Variants in XYLT1 observed in about 807,000 individuals in gnomAD.
XYLT1 encodes the protein beta-D-xylosyltransferase 1.
A neutral mutation model predicts 91.3 loss-of-function variants in XYLT1; 36 were observed. The observed-to-expected ratio is 0.39, with a 90% confidence interval of 0.30 to 0.52. The LOEUF (loss-of-function observed/expected upper bound fraction) is 0.52. Ranked by LOEUF, XYLT1 falls within the 20% of genes least tolerant of loss-of-function variation. The pLI, the probability that XYLT1 is intolerant of heterozygous loss-of-function variation, is 0.68. For synonymous variants in XYLT1, 588 were observed against 532.0 expected (o/e 1.11, Z -1.45); for missense variants, 1,242 against 1,284.5 (o/e 0.97, Z 0.51).
chr16:17,470,614 CG>C lies in XYLT1; in HGVS notation c.182del (p.Pro61ArgfsTer133). 8.8e-7 allele frequency: 1 copy of C among 1,131,050 alleles called. No homozygotes were observed. Among genetic ancestry groups the C allele is most frequent in the Non-Finnish European group, 1.1e-6 (1 of 926,750 alleles). 70.1% of individuals were successfully genotyped at this position (1,131,050 alleles called of 1,614,324 possible). A position where few individuals can be genotyped will look rare whatever the true frequency, so the allele number is the denominator to read the frequency against. On this transcript the variant is annotated frameshift_variant, in exon 1 of 12. Transcript: ENST00000261381. LOFTEE classifies it high-confidence loss of function. ...GGTCCCGGCGCTCCCGGCGCGGGGC[CG>C]GGGCCGGGGGCGGCTGCTCCCCGCC... ...VGGGEQPPPAPAPRRERRDLP... is the reference protein window; with the variant it reads ...VGGGEQPPPAXAPRRERRDLP...
At chr16:17,465,854 A>G (rs1445106060) in intron 1 of XYLT1, among the ~76,000 whole-genome samples, 1 of 152,204 alleles carries the variant, frequency 6.6e-6, no homozygotes, top group Non-Finnish European at 1.5e-5. Flanking sequence ...GTTCACATAT[A>G]TTGCTACATT....
At chr16:17,129,788 C>T (rs1035757920) in intron 9 of XYLT1, among the ~76,000 whole-genome samples, 14 of 152,280 alleles carry the variant, frequency 9.2e-5, no homozygotes, top group Non-Finnish European at 1.5e-4. Context: ...CTTGTGGCTA[C>T]CGTATTGGAC....
intron 2 of XYLT1, among the ~76,000 whole-genome samples, chr16:17,296,589 G>C (rs1044868435): frequency 1.3e-5 from 2 of 152,210 alleles, no homozygotes. Context: ...AGGTGAATCT[G>C]ACATCAATGC....
chr16:17,454,629 C>T (rs1013122251), intron 1 of XYLT1, among the ~76,000 whole-genome samples: 1 of 151,840 alleles, frequency 6.6e-6, no homozygotes, highest in Non-Finnish European at 1.5e-5. Context: ...CTCTGCCTCC[C>T]GGGTTCAAGT....
At chr16:17,217,888 T>G (rs752645858) in intron 3 of XYLT1, among the ~76,000 whole-genome samples, 21 of 151,746 alleles carry the variant, frequency 1.4e-4, no homozygotes, top group Non-Finnish European at 2.7e-4. Context: ...GATGTCACTT[T>G]GGAAGGAAGG....
chr16:17,277,386 C>T (rs1246009523), intron 2 of XYLT1, among the ~76,000 whole-genome samples: 1 of 151,900 alleles, frequency 6.6e-6, no homozygotes, highest in Non-Finnish European at 1.5e-5. Flanking sequence ...TGTCTACTGT[C>T]ACCACCTTTT....
At chr16:17,324,462 A>G (rs1417519445) in intron 2 of XYLT1, among the ~76,000 whole-genome samples, 2 of 152,214 alleles carry the variant, frequency 1.3e-5, no homozygotes, top group African/African-American at 4.8e-5. Flanking sequence ...TTGTATGCCC[A>G]GTCTACTGCA....
At chr16:17,250,661 C>A (rs1260994675) in intron 3 of XYLT1, 2 of 152,308 alleles carry the variant, frequency 1.3e-5, no homozygotes, top group Non-Finnish European at 2.9e-5. Flanking sequence ...CTTTCCCCAG[C>A]AAGCCCAAGG....
intron 5 of XYLT1, among the ~76,000 whole-genome samples, chr16:17,165,640 C>T (rs984504134): frequency 2.6e-5 from 4 of 152,110 alleles, no homozygotes; most frequent in African/African-American, 7.2e-5. Flanking sequence ...TGAAGTGAGC[C>T]GAGACTGTGC....
At chr16:17,300,017 A>G (rs1159593902) in intron 2 of XYLT1, among the ~76,000 whole-genome samples, 1 of 152,178 alleles carries the variant, frequency 6.6e-6, no homozygotes, top group East Asian at 1.9e-4. Flanking sequence ...TGGTAGGGAA[A>G]TACCAGATGA....
chr16:17,258,338 T>C lies in XYLT1; in HGVS notation c.913+650A>G, dbSNP rs150676385. On this transcript the variant is annotated intron_variant, in intron 3 of 11. Transcript: ENST00000261381. ...AAATTAAAATAAGGAAGAAAGGAAATAGGAAAGAAGGAAGGGGGAAGAGAG... is the reference window on the plus strand; with the variant it reads ...AAATTAAAATAAGGAAGAAAGGAAACAGGAAAGAAGGAAGGGGGAAGAGAG... Among the ~76,000 whole-genome samples, 1,063 of 117,542 alleles carry C rather than the reference T, an allele frequency of 9.0e-3. 5 individuals carry two copies. Among genetic ancestry groups the C allele is most frequent in the Non-Finnish European group, 0.012 (685 of 57,336 alleles). 77.1% of individuals were successfully genotyped at this position (117,542 alleles called of 152,430 possible). A position where few individuals can be genotyped will look rare whatever the true frequency, so the allele number is the denominator to read the frequency against.
chr16:17,280,464 T>C (rs1596463487), intron 2 of XYLT1, among the ~76,000 whole-genome samples: 4 of 152,354 alleles, frequency 2.6e-5, no homozygotes, highest in East Asian at 3.9e-4. Context: ...ATGTGTCAGA[T>C]ATAAAAAATT....
intron 1 of XYLT1, among the ~76,000 whole-genome samples, chr16:17,413,228 T>C (rs1401719393): frequency 1.3e-5 from 2 of 152,168 alleles, no homozygotes; most frequent in African/African-American, 4.8e-5. Flanking sequence ...GATGATGGTA[T>C]ACAGGCATGC....
intron 3 of XYLT1, among the ~76,000 whole-genome samples, chr16:17,211,782 C>T (rs2032761754): frequency 6.6e-6 from 1 of 152,146 alleles, no homozygotes; most frequent in Admixed American, 6.5e-5. Context: ...GGAACCAAAG[C>T]CTCATGTTCT....
intron 3 of XYLT1, among the ~76,000 whole-genome samples, chr16:17,210,570 C>T (rs574710295): frequency 2.0e-5 from 3 of 151,548 alleles, no homozygotes; most frequent in South Asian, 2.1e-4. Context: ...AAATGAGACT[C>T]CATCTTAAAA....
intron 2 of XYLT1, among the ~76,000 whole-genome samples, chr16:17,313,419 C>A (rs2034580299): frequency 6.6e-6 from 1 of 152,208 alleles, no homozygotes; most frequent in Non-Finnish European, 1.5e-5. Flanking sequence ...CAGCGACCTA[C>A]CAGACAAGGC....
chr16:17,337,357 T>A (rs1301368343), intron 2 of XYLT1, among the ~76,000 whole-genome samples: 1 of 152,078 alleles, frequency 6.6e-6, no homozygotes, highest in Non-Finnish European at 1.5e-5. Flanking sequence ...CCAGCTAATT[T>A]TTTATAGAGA....
At position 17,138,344 on chromosome 16, in the gene XYLT1, G is replaced by C. The variant is rs188563835; in HGVS notation, c.1764+11C>G. On this transcript the variant is annotated intron_variant, in intron 8 of 11. Coordinates refer to ENST00000261381, the MANE Select transcript of XYLT1 (RefSeq NM_022166.4). ...CACTTAGGAGGCTGGCAGACCATGA[G>C]AAAGTCTCACCTGGAAGCGGTGGAA... The C allele has an allele frequency of 2.9e-5, 47 of 1,606,048 alleles. No homozygotes were observed. The Admixed American group carries it at 5.9e-4, about 20-fold the overall frequency.
At chr16:17,396,806 G>T (rs568682846) in intron 1 of XYLT1, among the ~76,000 whole-genome samples, 2 of 152,308 alleles carry the variant, frequency 1.3e-5, no homozygotes, top group Non-Finnish European at 2.9e-5. Context: ...AGGAGGTGCA[G>T]GTTGCAGTGA....
Sources: allele counts gnomAD v4.1 joint callset (sites outside exome capture counted in the v4.1 genomes callset), GRCh38; gene constraint gnomAD v4.1.1; transcripts MANE v1.5; gene names NCBI Gene and HGNC (gene_info 2026-07-23, HGNC 2026-07-21).